The following NIBAN1 variants were observed in gnomAD, a reference collection of about 807,000 sequenced individuals.
NIBAN1 encodes protein Niban 1.
A neutral mutation model predicts 75.1 loss-of-function variants in NIBAN1; 81 were observed. The observed-to-expected ratio is 1.08, with a 90% confidence interval of 0.90 to 1.30. The LOEUF is 1.30. Ranked by LOEUF, NIBAN1 falls within the 50% of genes most tolerant of loss-of-function variation. NIBAN1 has a pLI of 0.00. For synonymous variants in NIBAN1, 436 were observed against 424.8 expected (o/e 1.03, Z -0.32); for missense variants, 1,133 against 1,128.1 (o/e 1.00, Z -0.06).
rs1653714879 is a variant in NIBAN1, at chr1:184,792,117, T to C, written c.*2860A>G. The C allele has an allele frequency of 6.6e-6, 1 of 152,166 alleles. No individual in the cohort carries two copies. The highest frequency in any genetic ancestry group is 2.4e-5 in the African/African-American group (1 of 41,424). The allele number at this position is 152,166 out of a possible 1,614,324, so 9.4% of individuals were successfully genotyped here. A position where few individuals can be genotyped will look rare whatever the true frequency, so the allele number is the denominator to read the frequency against. On this transcript the variant is annotated 3_prime_UTR_variant, in exon 14 of 14. Coordinates refer to ENST00000367511, the MANE Select transcript of NIBAN1 (RefSeq NM_052966.4). ...GACTGCAGGCACACACCATTATTAT[T>C]TTTTGTAAGGATGAGATCTTGCTAT...
chr1:184,822,687 T>C (rs1180357472), intron 8 of NIBAN1, among the ~76,000 whole-genome samples: 1 of 152,224 alleles, frequency 6.6e-6, no homozygotes, highest in Non-Finnish European at 1.5e-5. Flanking sequence ...TGACTGGGTA[T>C]GACTCCAAGC....
intron 5 of NIBAN1, among the ~76,000 whole-genome samples, chr1:184,859,526 C>G (rs560534447): frequency 1.3e-5 from 2 of 152,098 alleles, no homozygotes; most frequent in Non-Finnish European, 2.9e-5. Context: ...TCAGAGAACA[C>G]AAGTTTGATC....
intron 1 of NIBAN1, among the ~76,000 whole-genome samples, chr1:184,929,801 A>G (rs1042492353): frequency 2.0e-5 from 3 of 152,238 alleles, no homozygotes; most frequent in African/African-American, 7.2e-5. Flanking sequence ...TGTATCTGAT[A>G]GATCAAATTA....
rs1451221352 is a variant in NIBAN1 at position 184,887,698 on chromosome 1, T to A, written c.433+2410A>T. ...AAAGAGCCTGAGCTTCAGACAAATTTAGTCCACACCAGCCCTGAACTAATA... is the reference window on the plus strand; with the variant it reads ...AAAGAGCCTGAGCTTCAGACAAATTAAGTCCACACCAGCCCTGAACTAATA... On this transcript the variant is annotated intron_variant, in intron 4 of 13. Transcript: ENST00000367511. 9 of 152,388 alleles carry A rather than the reference T, an allele frequency of 5.9e-5. No homozygotes were observed. The East Asian group carries it at 1.7e-3, about 29-fold the overall frequency. The allele number at this position is 152,388 out of a possible 1,614,324, so 9.4% of individuals were successfully genotyped here. A position where few individuals can be genotyped will look rare whatever the true frequency, so the allele number is the denominator to read the frequency against.
Position 184,890,161 on chromosome 1 carries a change from G to GAA in NIBAN1, c.379_380insTT (p.Thr127IlefsTer66). 6.2e-7 allele frequency: 1 copy of GAA among 1,613,930 alleles called. No homozygotes were observed. The highest frequency in any genetic ancestry group is 8.5e-7 in the Non-Finnish European group (1 of 1,179,884). ...CAACAGATTATATTCATCTTCTGAG[G>GAA]TTAACACCTTGCCACCGGCTGGAAG... On this transcript the variant is annotated frameshift_variant, in exon 4 of 14. Transcript: ENST00000367511. LOFTEE classifies it high-confidence loss of function.
intron 3 of NIBAN1, 122 bp downstream of exon 3, chr1:184,893,953 T>C: frequency 1.0e-6 from 1 of 976,700 alleles, no homozygotes; most frequent in Non-Finnish European, 1.5e-6. Context: ...GTCTCTATTT[T>C]TGTACCAGTA....
At chr1:184,936,038 A>G (rs942963471) in intron 1 of NIBAN1, among the ~76,000 whole-genome samples, 4 of 150,452 alleles carry the variant, frequency 2.7e-5, no homozygotes, top group African/African-American at 7.3e-5. Flanking sequence ...AAAAAAAAAC[A>G]GGGGAAACTA....
At chr1:184,889,273 A>C (rs1484265219) in intron 4 of NIBAN1, among the ~76,000 whole-genome samples, 1 of 152,202 alleles carries the variant, frequency 6.6e-6, no homozygotes, top group Non-Finnish European at 1.5e-5. Flanking sequence ...TTTAAGTTCA[A>C]AGCCCTGTTT....
At chr1:184,970,824 A>C (rs1658916537) in intron 1 of NIBAN1, among the ~76,000 whole-genome samples, 1 of 152,198 alleles carries the variant, frequency 6.6e-6, no homozygotes, top group South Asian at 2.1e-4. Context: ...CTTATGTGGG[A>C]GATCTTTCAG....
intron 9 of NIBAN1, among the ~76,000 whole-genome samples, chr1:184,812,393 C>A (rs977838364): frequency 7.9e-5 from 12 of 152,090 alleles, no homozygotes; most frequent in Admixed American, 2.0e-4. Flanking sequence ...GTGGCTTGGC[C>A]CCCAGCAGGA....
At chr1:184,917,173 T>G (rs933001653) in intron 1 of NIBAN1, among the ~76,000 whole-genome samples, 12 of 151,656 alleles carry the variant, frequency 7.9e-5, no homozygotes, top group African/African-American at 2.9e-4. Context: ...TCAGCAAACT[T>G]TTTCTTATCC....
At chr1:184,939,759 G>A (rs2102046124) in intron 1 of NIBAN1, among the ~76,000 whole-genome samples, 1 of 152,228 alleles carries the variant, frequency 6.6e-6, no homozygotes, top group Middle Eastern at 3.4e-3. Context: ...AGTAAGTTAT[G>A]TCAAGGGCTT....
intron 1 of NIBAN1, among the ~76,000 whole-genome samples, chr1:184,932,395 A>T (rs1657846858): frequency 6.6e-6 from 1 of 152,232 alleles, no homozygotes. Flanking sequence ...CATTAGTTAG[A>T]TTCTCATAAG....
At chr1:184,925,945 G>A (rs1417330082) in intron 1 of NIBAN1, among the ~76,000 whole-genome samples, 2 of 152,100 alleles carry the variant, frequency 1.3e-5, no homozygotes, top group African/African-American at 4.8e-5. Context: ...ACCTCCCAAT[G>A]CTTTATTCTT....
At chr1:184,807,911 A>G in intron 10 of NIBAN1, 163 bp downstream of exon 10, 2 of 718,394 alleles carry the variant, frequency 2.8e-6, no homozygotes, top group Non-Finnish European at 2.4e-6. Context: ...TGGATGGAAG[A>G]TGAAGCCAGT....
intron 5 of NIBAN1, among the ~76,000 whole-genome samples, chr1:184,858,885 G>T (rs115896700): frequency 0.011 from 1,732 of 151,976 alleles, 24 homozygotes; most frequent in Non-Finnish European, 0.013. Context: ...GACTTGGAGG[G>T]ATTTCCATGA....
chr1:184,795,166 T>C lies in NIBAN1; in HGVS notation c.2598A>G (p.Gly866=), dbSNP rs748564283. The part of the protein sequence containing the change: ...SQVSEEQEEM[G]GQSSAAQATA... ...TGGCCTGGGCCGCGCTGCTTTGCCC[T>C]CCCATCTCTTCTTGTTCCTCAGAAA... The change falls in exon 14 of 14, where the codon GGA becomes GGG. Residue 866 remains glycine, a synonymous_variant. Coordinates refer to ENST00000367511, the MANE Select transcript of NIBAN1 (RefSeq NM_052966.4). 6.2e-7 allele frequency: 1 copy of C among 1,614,208 alleles called. No individual in the cohort carries two copies. Among genetic ancestry groups the C allele is most frequent in the South Asian group, 1.1e-5 (1 of 91,090 alleles).
At chr1:184,818,876 G>T (rs754170943) in intron 8 of NIBAN1, 51 bp from the exon 9 acceptor site, 67 of 1,536,920 alleles carry the variant, frequency 4.4e-5, no homozygotes, top group Non-Finnish European at 5.0e-5. Flanking sequence ...AACTGGGTTT[G>T]TGGGCACTGG....
intron 1 of NIBAN1, among the ~76,000 whole-genome samples, chr1:184,950,500 T>C (rs1305069074): frequency 6.6e-6 from 1 of 152,220 alleles, no homozygotes; most frequent in Non-Finnish European, 1.5e-5. Context: ...GAGATCATTA[T>C]GCACGCTTTC....
Sources: gnomAD v4.1 joint callset for allele counts (sites outside exome capture counted in the v4.1 genomes callset) on GRCh38, gnomAD v4.1.1 for gene constraint, MANE v1.5 for transcripts, NCBI Gene and HGNC (gene_info 2026-07-23, HGNC 2026-07-21) for gene names.